Variants in MGMT observed in about 807,000 individuals in gnomAD.
The protein encoded by MGMT is O-6-methylguanine-DNA methyltransferase.
MGMT carries 14 observed loss-of-function variants against 15.9 expected under a neutral mutation model. The observed-to-expected ratio is 0.88, with a 90% CI of 0.58 to 1.37. The LOEUF is 1.37. Among genes scored for constraint, MGMT ranks in the 40% most tolerant of loss-of-function variants. MGMT has a pLI of 0.00. For missense variants in MGMT, 282 were observed against 268.1 expected (o/e 1.05, Z -0.36); for synonymous variants, 130 against 118.2 (o/e 1.10, Z -0.65).
chr10:129,719,772 A>G (rs944170674), intron 3 of MGMT, among the ~76,000 whole-genome samples: 1 of 152,216 alleles, frequency 6.6e-6, no homozygotes, highest in African/African-American at 2.4e-5. Flanking sequence ...GAATTTTGGC[A>G]GAACATAGTT....
intron 1 of MGMT, among the ~76,000 whole-genome samples, chr10:129,504,079 C>T (rs1845601626): frequency 1.3e-5 from 2 of 152,104 alleles, no homozygotes; most frequent in South Asian, 4.1e-4. Context: ...TGGATAATAT[C>T]CATCTACATG....
chr10:129,645,485 T>C (rs1847377834), intron 2 of MGMT, among the ~76,000 whole-genome samples: 1 of 152,200 alleles, frequency 6.6e-6, no homozygotes, highest in Non-Finnish European at 1.5e-5. Flanking sequence ...AGGTTGTGTT[T>C]GGCCTCTCTT....
At chr10:129,737,467 C>G (rs1469991601) in intron 3 of MGMT, among the ~76,000 whole-genome samples, 3 of 152,016 alleles carry the variant, frequency 2.0e-5, no homozygotes. Context: ...AAATTTTTTT[C>G]AAAGTTTTCA....
At chr10:129,537,155 A>T (rs541494645) in intron 2 of MGMT, 2 of 134,044 alleles carry the variant, frequency 1.5e-5, no homozygotes, top group Non-Finnish European at 3.3e-5. Flanking sequence ...GAAGAAGAAG[A>T]AAAAAAAAAC....
At chr10:129,734,574 C>A (rs1444882313) in intron 3 of MGMT, among the ~76,000 whole-genome samples, 2 of 151,964 alleles carry the variant, frequency 1.3e-5, no homozygotes, top group Non-Finnish European at 2.9e-5. Context: ...CCTGATTGCC[C>A]TGGCCAGAAC....
intron 4 of MGMT, among the ~76,000 whole-genome samples, chr10:129,766,407 G>T (rs1218530830): frequency 1.3e-5 from 2 of 152,224 alleles, no homozygotes; most frequent in African/African-American, 4.8e-5. Flanking sequence ...GGGAGTGTTT[G>T]AGAGCGTCAC....
chr10:129,542,274 G>A (rs556073445), intron 2 of MGMT, among the ~76,000 whole-genome samples: 4 of 152,232 alleles, frequency 2.6e-5, no homozygotes, highest in Admixed American at 6.5e-5. Flanking sequence ...TGCACCTGCC[G>A]AGTCTGTGCT....
At chr10:129,748,317 C>G (rs1034141970) in intron 3 of MGMT, among the ~76,000 whole-genome samples, 1 of 152,070 alleles carries the variant, frequency 6.6e-6, no homozygotes, top group Non-Finnish European at 1.5e-5. Flanking sequence ...CTGAGATTAT[C>G]CCAGTTTTGG....
At chr10:129,623,331 G>A (rs538858770) in intron 2 of MGMT, among the ~76,000 whole-genome samples, 5 of 152,188 alleles carry the variant, frequency 3.3e-5, no homozygotes, top group Non-Finnish European at 5.9e-5. Flanking sequence ...TACCAAGTTG[G>A]GGAAGATGCC....
intron 1 of MGMT, among the ~76,000 whole-genome samples, chr10:129,511,064 A>G (rs903910842): frequency 1.4e-5 from 2 of 144,676 alleles, no homozygotes; most frequent in African/African-American, 2.6e-5. Flanking sequence ...GGTGCTTCCC[A>G]TGATGGGAAC....
At chr10:129,496,544 C>T (rs1163556664) in intron 1 of MGMT, among the ~76,000 whole-genome samples, 2 of 152,106 alleles carry the variant, frequency 1.3e-5, no homozygotes, top group Non-Finnish European at 2.9e-5. Flanking sequence ...CGTCTCTAGC[C>T]ATTATTTCCA....
chr10:129,604,310 C>T (rs1484598956), intron 2 of MGMT, among the ~76,000 whole-genome samples: 1 of 152,120 alleles, frequency 6.6e-6, no homozygotes, highest in East Asian at 1.9e-4. Context: ...GAGCCTAGCA[C>T]TTAATTCTGA....
intron 1 of MGMT, among the ~76,000 whole-genome samples, chr10:129,517,758 T>C (rs950252494): frequency 6.6e-6 from 1 of 151,990 alleles, no homozygotes; most frequent in Admixed American, 6.5e-5. Flanking sequence ...CAGCTTCCTG[T>C]CTCCACACCC....
At chr10:129,472,535 G>T (rs1845244238) in intron 1 of MGMT, among the ~76,000 whole-genome samples, 1 of 152,148 alleles carries the variant, frequency 6.6e-6, no homozygotes, top group South Asian at 2.1e-4. Flanking sequence ...AGCCCTCACT[G>T]GGGGCATGTG....
chr10:129,588,085 C>T (rs544268662), intron 2 of MGMT, among the ~76,000 whole-genome samples: 2 of 152,236 alleles, frequency 1.3e-5, no homozygotes, highest in African/African-American at 4.8e-5. Flanking sequence ...CTAATTATTC[C>T]CACAACCAAG....
intron 1 of MGMT, among the ~76,000 whole-genome samples, chr10:129,477,120 C>T (rs1290603309): frequency 1.3e-5 from 2 of 152,276 alleles, no homozygotes; most frequent in East Asian, 3.9e-4. Flanking sequence ...CTTCCCAGAG[C>T]AGCCTCTGCT....
intron 2 of MGMT, among the ~76,000 whole-genome samples, chr10:129,586,460 A>C (rs1186042644): frequency 2.6e-5 from 4 of 152,170 alleles, no homozygotes; most frequent in African/African-American, 9.7e-5. Flanking sequence ...ATTTTACACA[A>C]AATTTTCTCG....
intron 1 of MGMT, among the ~76,000 whole-genome samples, chr10:129,506,467 C>T (rs1381818038): frequency 6.6e-6 from 1 of 152,156 alleles, no homozygotes; most frequent in Non-Finnish European, 1.5e-5. Flanking sequence ...CACACCTCCC[C>T]TTGCAGCCAC....
intron 3 of MGMT, among the ~76,000 whole-genome samples, chr10:129,738,470 G>A (rs11595020): frequency 0.18 from 27,919 of 152,266 alleles, 2,947 homozygotes; most frequent in Middle Eastern, 0.34. Context: ...TCCCTAGTGA[G>A]ATGAATCCGG....
Sources: gnomAD v4.1 joint callset for allele counts (sites outside exome capture counted in the v4.1 genomes callset) on GRCh38, gnomAD v4.1.1 for gene constraint, MANE v1.5 for transcripts, NCBI Gene and HGNC (gene_info 2026-07-23, HGNC 2026-07-21) for gene names.